VPS13A: variants seen among roughly 807,000 people sequenced by gnomAD.
The protein encoded by VPS13A is intermembrane lipid transfer protein VPS13A.
VPS13A carries 264 observed loss-of-function variants against 390.9 expected under a neutral mutation model. The observed-to-expected ratio is 0.68, with a 90% CI of 0.61 to 0.75. The LOEUF is 0.75. Ranked by LOEUF, VPS13A falls within the 30% of genes least tolerant of loss-of-function variation. The probability of loss-of-function intolerance (pLI) is 0.00; values close to 1 mark genes in which losing one functional copy is unlikely to be tolerated. For missense variants in VPS13A, 3,409 were observed against 3,733.9 expected (o/e 0.91, Z 2.27); for synonymous variants, 1,231 against 1,227.1 (o/e 1.00, Z -0.07).
intron 16 of VPS13A, among the ~76,000 whole-genome samples, chr9:77,227,691 GT>G (rs1007715897): frequency 6.1e-4 from 88 of 143,250 alleles, no homozygotes; most frequent in Non-Finnish European, 7.2e-4. Flanking sequence ...AATTTTTGTG[GT>G]TTTTTTTTTG....
chr9:77,212,552 T>TTTG (rs1826028460), intron 7 of VPS13A, among the ~76,000 whole-genome samples: 2 of 152,146 alleles, frequency 1.3e-5, no homozygotes, highest in African/African-American at 4.8e-5. Flanking sequence ...CCCAAATTTG[T>TTTG]CTCAAACTCC....
chr9:77,369,865 T>G (rs1832650852), intron 63 of VPS13A, among the ~76,000 whole-genome samples: 3 of 152,244 alleles, frequency 2.0e-5, no homozygotes, highest in Admixed American at 2.0e-4. Flanking sequence ...AAGTTAACAT[T>G]AATTTTGCAC....
chr9:77,304,332 T>G (rs757331109), intron 34 of VPS13A, among the ~76,000 whole-genome samples: 10 of 152,188 alleles, frequency 6.6e-5, no homozygotes, highest in Non-Finnish European at 1.2e-4. Flanking sequence ...AAGCTACAAA[T>G]TAACAACATC....
In VPS13A at chr9:77,341,691, C is replaced by CTTTTTTTTTTTTTTTTTTTTTT. The variant is rs57841628; in HGVS notation, c.7026+1149_7026+1170dup. Among the ~76,000 whole-genome samples, 30 of 37,838 alleles carry CTTTTTTTTTTTTTTTTTTTTTT rather than the reference C, an allele frequency of 7.9e-4. 4 individuals carry two copies. Among genetic ancestry groups the CTTTTTTTTTTTTTTTTTTTTTT allele is most frequent in the Non-Finnish European group, 9.7e-4 (21 of 21,608 alleles). The allele number at this position is 37,838 out of a possible 152,430, so 24.8% of individuals were successfully genotyped here. On this transcript the variant is annotated intron_variant, in intron 50 of 71. Transcript: ENST00000360280. ...AGTAAGTTCTACATGGACATCTTTC[C>CTTTTTTTTTTTTTTTTTTTTTT]TTTTTTTTTTTTTTTTTTTTTTTTT... is the stretch of plus-strand genomic sequence containing the variant.
At chr9:77,262,623 C>T (rs1010542180) in intron 23 of VPS13A, among the ~76,000 whole-genome samples, 3 of 152,054 alleles carry the variant, frequency 2.0e-5, no homozygotes, top group Non-Finnish European at 2.9e-5. Flanking sequence ...GTGATGTTCC[C>T]CTCCCTGTGT....
chr9:77,326,319 T>C (rs1830016151), intron 45 of VPS13A, among the ~76,000 whole-genome samples: 1 of 152,138 alleles, frequency 6.6e-6, no homozygotes, highest in Non-Finnish European at 1.5e-5. Context: ...AGAAAACTTT[T>C]TGCCATTGTT....
intron 3 of VPS13A, among the ~76,000 whole-genome samples, chr9:77,204,844 G>T (rs1169644366): frequency 6.6e-6 from 1 of 152,030 alleles, no homozygotes; most frequent in East Asian, 1.9e-4. Flanking sequence ...GCCTAGGCTG[G>T]TCTTGAACTC....
rs569122649 is a variant in VPS13A, at chr9:77,218,645, T to TG, written c.755-1309_755-1308insG. Among the ~76,000 whole-genome samples, 264 of 84,046 alleles carry TG rather than the reference T, an allele frequency of 3.1e-3. 1 individual carries two copies. The highest frequency in any genetic ancestry group is 0.013 in the African/African-American group (247 of 18,750). 55.1% of individuals were successfully genotyped at this position (84,046 alleles called of 152,430 possible). A position where few individuals can be genotyped will look rare whatever the true frequency, so the allele number is the denominator to read the frequency against. ...GTTCTCATACTTTGAGAACATTGCC[T>TG]TTTTTTTTTTTTTTTGGAAAGGGAC... On this transcript the variant is annotated intron_variant, in intron 10 of 71. Coordinates refer to ENST00000360280, the MANE Select transcript of VPS13A (RefSeq NM_033305.3).
chr9:77,270,214 G>T (rs1030180098), intron 23 of VPS13A, among the ~76,000 whole-genome samples: 1 of 152,082 alleles, frequency 6.6e-6, no homozygotes, highest in African/African-American at 2.4e-5. Flanking sequence ...TGAGGCACAT[G>T]TTAGAAAAAA....
At chr9:77,324,285 A>G (rs1246609002) in intron 45 of VPS13A, among the ~76,000 whole-genome samples, 1 of 152,094 alleles carries the variant, frequency 6.6e-6, no homozygotes, top group African/African-American at 2.4e-5. Flanking sequence ...TATCTTGTTT[A>G]TATTGCCTAT....
rs1158950043 is a variant in VPS13A at position 77,280,176 on chromosome 9, G to A, written c.2842G>A (p.Val948Ile). ...PEYLDENKKP[V>I]YLVTTLDNTM... ...ATTTTTAGATGAAAACAAGAAACCAGTTTATTTGGTTACAACCCTGGATAA... is the reference window on the plus strand; with the variant it reads ...ATTTTTAGATGAAAACAAGAAACCAATTTATTTGGTTACAACCCTGGATAA... Residue 948 changes from valine to isoleucine, a missense_variant, in exon 27 of 72, where the codon GTT (valine) becomes ATT (isoleucine). Val to Ile is a conservative substitution (Grantham distance 29). Around this residue, in one of 5 missense-constraint regions of VPS13A, gnomAD observed 2,717 missense variants for 2,917.4 expected, o/e 0.93. Coordinates refer to ENST00000360280, the MANE Select transcript of VPS13A (RefSeq NM_033305.3). 5.6e-6 allele frequency: 9 copies of A among 1,610,884 alleles called. No individual in the cohort carries two copies. In the East Asian group the frequency reaches 1.8e-4, roughly 32 times the overall value.
intron 31 of VPS13A, among the ~76,000 whole-genome samples, chr9:77,286,360 C>T (rs911016755): frequency 5.9e-5 from 9 of 152,048 alleles, no homozygotes; most frequent in Admixed American, 2.6e-4. Context: ...GCAGTAGGGA[C>T]GTTTCTTCAT....
Position 77,344,268 on chromosome 9 carries a change from G to A in VPS13A, c.7142G>A (p.Arg2381His), listed in dbSNP as rs200068581. The stretch of plus-strand genomic sequence containing the variant: ...AAGCAGGAAAATTGTATTCTATTGC[G>A]TCTAGATAACGAGGTAAGTTTTTTT... ...FNKQENCILL[R>H]LDNELGGIIA... The change falls in exon 51 of 72, where the codon CGT becomes CAT. Residue 2381 changes from arginine to histidine, a missense_variant. Around this residue, in one of 5 missense-constraint regions of VPS13A, gnomAD observed 2,717 missense variants for 2,917.4 expected, o/e 0.93. Transcript: ENST00000360280. 2.7e-5 allele frequency: 44 copies of A among 1,613,046 alleles called. No individual in the cohort carries two copies. Among genetic ancestry groups the A allele is most frequent in the South Asian group, 1.3e-4 (12 of 90,990 alleles).
Position 77,177,607 on chromosome 9 carries a change from G to C in VPS13A, c.-98G>C, listed in dbSNP as rs1823710817. 2 of 1,161,204 alleles carry C rather than the reference G, an allele frequency of 1.7e-6. No individual in the cohort carries two copies. The highest frequency in any genetic ancestry group is 1.9e-5 in the Admixed American group (1 of 53,028). 71.9% of individuals were successfully genotyped at this position (1,161,204 alleles called of 1,614,324 possible). On this transcript the variant is annotated 5_prime_UTR_variant, in exon 1 of 72. Transcript: ENST00000360280. ...GGGCGCCGCAGCTGAAGCCGCCCCG[G>C]AGCCGGTGAACCGAATTACCTCGAG...
chr9:77,228,350 A>G (rs1823641211), intron 17 of VPS13A, 86 bp downstream of exon 17: 2 of 1,325,718 alleles, frequency 1.5e-6, no homozygotes, highest in Non-Finnish European at 2.1e-6. Context: ...AGTCTTTTGT[A>G]AAGAGCACTA....
At chr9:77,240,965 T>G (rs1824453319) in intron 19 of VPS13A, among the ~76,000 whole-genome samples, 1 of 152,176 alleles carries the variant, frequency 6.6e-6, no homozygotes, top group Non-Finnish European at 1.5e-5. Context: ...ACTTTTTATC[T>G]TTTGTATTCT....
intron 32 of VPS13A, among the ~76,000 whole-genome samples, chr9:77,294,054 T>A (rs968327773): frequency 6.6e-6 from 1 of 151,842 alleles, no homozygotes; most frequent in Non-Finnish European, 1.5e-5. Context: ...CAGGCACATA[T>A]CACCATGCAC....
chr9:77,365,259 A>G (rs1265026883), intron 59 of VPS13A, among the ~76,000 whole-genome samples: 4 of 152,222 alleles, frequency 2.6e-5, no homozygotes, highest in Non-Finnish European at 5.9e-5. Flanking sequence ...GGATAGAAAT[A>G]TAGAAGATAA....
chr9:77,186,340 C>CT (rs1163907729), intron 1 of VPS13A, among the ~76,000 whole-genome samples: 1 of 152,188 alleles, frequency 6.6e-6, no homozygotes, highest in Non-Finnish European at 1.5e-5. Flanking sequence ...GAAGAAAAGA[C>CT]TTAATTTACC....
Sources: gnomAD v4.1 joint callset for allele counts (sites outside exome capture counted in the v4.1 genomes callset) on GRCh38, gnomAD v4.1.1 for gene constraint, gnomAD v4.1.1 regional missense constraint, MANE v1.5 for transcripts, NCBI Gene and HGNC (gene_info 2026-07-23, HGNC 2026-07-21) for gene names.